The following GRIP2 variants were observed in gnomAD, a reference collection of about 807,000 sequenced individuals.
GRIP2 encodes glutamate receptor interacting protein 2, also known as glutamate receptor-interacting protein 2.
GRIP2 carries 58 observed loss-of-function variants against 108.3 expected under a neutral mutation model. The observed-to-expected ratio is 0.54, with a 90% CI of 0.43 to 0.67. The LOEUF (loss-of-function observed/expected upper bound fraction) is 0.67, where lower values mean the gene tolerates loss of function less well. GRIP2 is among the 30% of genes least tolerant of loss of function. GRIP2 has a pLI of 0.00. For synonymous variants in GRIP2, 586 were observed against 598.2 expected (o/e 0.98, Z 0.30); for missense variants, 1,278 against 1,430.6 (o/e 0.89, Z 1.72).
intron 19 of GRIP2, 90 bp downstream of exon 19, chr3:14,506,711 G>T: frequency 4.9e-6 from 6 of 1,236,990 alleles, no homozygotes; most frequent in Non-Finnish European, 6.5e-6. Flanking sequence ...CAGGAGGGAG[G>T]AACAGGCACA....
At chr3:14,499,814 C>T (rs1693718781) in intron 21 of GRIP2, among the ~76,000 whole-genome samples, 1 of 152,040 alleles carries the variant, frequency 6.6e-6, no homozygotes, top group African/African-American at 2.4e-5. Flanking sequence ...CTATTGGTTT[C>T]CCTGGGCCAT....
Position 14,493,639 on chromosome 3 carries a change from T to C in GRIP2, c.*26A>G. 6.4e-7 allele frequency: 1 copy of C among 1,563,894 alleles called. No homozygotes were observed. The highest frequency in any genetic ancestry group is 8.7e-7 in the Non-Finnish European group (1 of 1,151,860). On this transcript the variant is annotated 3_prime_UTR_variant, in exon 24 of 24. Transcript: ENST00000621039. ...AGCCAGGATCTGCCTGGGTGGCCCC[T>C]TAGGAGTTCGGCCCACATGCTGACT... is the stretch of plus-strand genomic sequence containing the variant.
chr3:14,502,182 G>A (rs572654184), intron 21 of GRIP2, among the ~76,000 whole-genome samples: 12 of 152,124 alleles, frequency 7.9e-5, no homozygotes, highest in African/African-American at 1.9e-4. Context: ...TAGAAACAAC[G>A]ATACAGTAAA....
rs1260114249 is a variant in GRIP2, at chr3:14,507,606, C to A, written c.2173G>T (p.Val725Leu). 16 of 1,614,028 alleles carry A rather than the reference C, an allele frequency of 9.9e-6. No individual in the cohort carries two copies. Among genetic ancestry groups the A allele is most frequent in the Non-Finnish European group, 1.2e-5 (14 of 1,179,892 alleles). ...PLSEAIHLLQVAGETVTLKIK... is the reference protein window; with the variant it reads ...PLSEAIHLLQLAGETVTLKIK... ...TTCAGTGTGACGGTCTCTCCAGCCA[C>A]CTGCAGGAGGTGGATGGCCTCGCTC... is the stretch of plus-strand genomic sequence containing the variant. The change falls in exon 18 of 24, where the codon GTG becomes TTG. Residue 725 changes from valine to leucine, a missense_variant. Val to Leu is a conservative substitution (Grantham distance 32, BLOSUM62 1). Transcript: ENST00000621039. The surrounding 1 kb of genome is among the most constrained non-coding windows in gnomAD (Gnocchi z 4.6).
At chr3:14,519,681 C>T (rs768669073) in intron 9 of GRIP2, among the ~76,000 whole-genome samples, 8 of 152,102 alleles carry the variant, frequency 5.3e-5, no homozygotes, top group Non-Finnish European at 1.0e-4. Flanking sequence ...CAGCTCCCTG[C>T]TCATAGCTGG....
chr3:14,548,888 T>A (rs1695099310), intron 1 of GRIP2, among the ~76,000 whole-genome samples: 1 of 152,204 alleles, frequency 6.6e-6, no homozygotes, highest in Admixed American at 6.5e-5. Context: ...ACTCTTCCCT[T>A]TGCCTGGAAT....
At chr3:14,565,533 T>TCTCTCCCTACCTCCC in the GRIP2 span, among the ~76,000 whole-genome samples, 3 of 152,106 alleles carry the variant, frequency 2.0e-5, no homozygotes, top group South Asian at 2.1e-4. Context: ...CCCTGCCTCC[T>TCTCTCCCTACCTCCC]CTCTCCCTAC....
chr3:14,542,146 A>C, upstream of GRIP2: 1 of 1,068,180 alleles, frequency 9.4e-7, no homozygotes, highest in South Asian at 1.5e-5. Flanking sequence ...CTCTCTTTTT[A>C]TTTTTTATTT....
At chr3:14,498,648 A>G (rs957438207) in intron 21 of GRIP2, among the ~76,000 whole-genome samples, 1 of 152,184 alleles carries the variant, frequency 6.6e-6, no homozygotes, top group Non-Finnish European at 1.5e-5. Flanking sequence ...TGGGATAATA[A>G]GAGTTATTAA....
chr3:14,565,034 C>T, the GRIP2 span, among the ~76,000 whole-genome samples: 11 of 152,214 alleles, frequency 7.2e-5, no homozygotes, highest in Admixed American at 1.3e-4. Flanking sequence ...GCCGGGCACC[C>T]GAGCTCCAGT....
At chr3:14,564,799 C>T in the GRIP2 span, among the ~76,000 whole-genome samples, 1 of 152,220 alleles carries the variant, frequency 6.6e-6, no homozygotes, top group Non-Finnish European at 1.5e-5. Flanking sequence ...CCACAGGGGG[C>T]CTGATTATGC....
chr3:14,592,642 G>A, the GRIP2 span, among the ~76,000 whole-genome samples: 1 of 152,178 alleles, frequency 6.6e-6, no homozygotes, highest in African/African-American at 2.4e-5. Flanking sequence ...GGGAGTGTTT[G>A]ATGTCACACA....
chr3:14,499,453 C>T (rs1020056581), intron 21 of GRIP2, among the ~76,000 whole-genome samples: 2 of 152,122 alleles, frequency 1.3e-5, no homozygotes, highest in Admixed American at 1.3e-4. Context: ...TGGTGGCTCA[C>T]ACCTGTAATC....
In GRIP2 at chr3:14,517,069, C is replaced by T. The variant is rs746451820; in HGVS notation, c.1301G>A (p.Ser434Asn). Residue 434 changes from serine (S) to asparagine (N), a missense_variant, in exon 11 of 24, where the codon AGC (serine) becomes AAC (asparagine). Physicochemically the swap from Ser to Asn is conservative, Grantham distance 46. Coordinates refer to ENST00000621039, the MANE Select transcript of GRIP2 (RefSeq NM_001080423.4). ...GGGAAGAGACCACAGCTTACACGAG[C>T]TCTTGTGTTCCCTTCTTCGCTGCCT... The part of the protein sequence containing the change: ...RRRQRRREHK[S>N]SLSLASSTVG... 5.1e-6 allele frequency: 8 copies of T among 1,568,456 alleles called. No individual in the cohort carries two copies. In the Admixed American group the frequency reaches 1.3e-4, roughly 26 times the overall value.
chr3:14,595,041 T>C, the GRIP2 span, among the ~76,000 whole-genome samples: 1 of 152,226 alleles, frequency 6.6e-6, no homozygotes, highest in African/African-American at 2.4e-5. Context: ...GGACCACAGG[T>C]GTGTGCCACT....
chr3:14,555,004 G>A (rs942216458), intron 1 of GRIP2, among the ~76,000 whole-genome samples: 4 of 151,836 alleles, frequency 2.6e-5, no homozygotes, highest in African/African-American at 4.8e-5. Flanking sequence ...CCTCCTCCCC[G>A]TGCTGTAGAT....
intron 1 of GRIP2, among the ~76,000 whole-genome samples, chr3:14,533,626 G>A (rs563492248): frequency 1.3e-5 from 2 of 152,204 alleles, no homozygotes; most frequent in East Asian, 1.9e-4. Context: ...CGAAGGGGGG[G>A]ACCCATGCCC....
At chr3:14,560,037 C>G (rs1412956283), upstream of GRIP2, among the ~76,000 whole-genome samples, 1 of 152,080 alleles carries the variant, frequency 6.6e-6, no homozygotes, top group Non-Finnish European at 1.5e-5. Flanking sequence ...ACAATCACTT[C>G]AGGCCAGGAG....
rs955846869 is a variant in GRIP2 at position 14,527,177 on chromosome 3, A to G, written c.41-1246T>C. On this transcript the variant is annotated intron_variant, in intron 1 of 23. Coordinates refer to ENST00000621039, the MANE Select transcript of GRIP2 (RefSeq NM_001080423.4). ...ATTCCAGTGACAGAGAGACTCTGAG[A>G]CCCTCACTCTGTCTCGAAAAGAGAG... is the stretch of plus-strand genomic sequence containing the variant. 3.9e-5 allele frequency among the ~76,000 whole-genome samples: 6 copies of G among 152,018 alleles called. No homozygotes were observed. The South Asian group carries it at 8.3e-4, about 21-fold the overall frequency.
Sources: gnomAD v4.1 joint callset for allele counts (sites outside exome capture counted in the v4.1 genomes callset) on GRCh38, gnomAD v4.1.1 for gene constraint, Gnocchi (gnomAD v3.1) non-coding constraint, MANE v1.5 for transcripts, NCBI Gene and HGNC (gene_info 2026-07-23, HGNC 2026-07-21) for gene names.